PAPSS1: variants seen among roughly 807,000 people sequenced by gnomAD.
The protein encoded by PAPSS1 is 3'-phosphoadenosine 5'-phosphosulfate synthase 1.
In PAPSS1, 50 loss-of-function variants were observed where a neutral mutation model predicts 72.0. That is an observed-to-expected ratio of 0.69 (90% confidence interval 0.55 to 0.88). PAPSS1 has a LOEUF of 0.88. Ranked by LOEUF, PAPSS1 falls within the 40% of genes least tolerant of loss-of-function variation. The pLI, the probability that PAPSS1 is intolerant of heterozygous loss-of-function variation, is 0.00. For missense variants in PAPSS1, 657 were observed against 782.2 expected, an observed-to-expected ratio of 0.84 and a Z score of 1.91; for synonymous variants, 261 against 263.6, an observed-to-expected ratio of 0.99 and a Z score of 0.09.
intron 11 of PAPSS1, among the ~76,000 whole-genome samples, chr4:107,629,730 G>A (rs1960649): frequency 0.24 from 36,589 of 152,106 alleles, 4,431 homozygotes; most frequent in East Asian, 0.37. Flanking sequence ...AGCAAAGGTC[G>A]TGGAAACAGT....
chr4:107,651,353 A>G (rs1726833855), intron 9 of PAPSS1, among the ~76,000 whole-genome samples: 1 of 152,226 alleles, frequency 6.6e-6, no homozygotes, highest in South Asian at 2.1e-4. Flanking sequence ...AGCAGAACTT[A>G]GGTATAAATA....
At chr4:107,645,612 A>T in intron 9 of PAPSS1, among the ~76,000 whole-genome samples, 1 of 152,210 alleles carries the variant, frequency 6.6e-6, no homozygotes, top group East Asian at 1.9e-4. Flanking sequence ...CAAAGGTCTG[A>T]ATTTTGGATT....
intron 11 of PAPSS1, among the ~76,000 whole-genome samples, chr4:107,618,111 A>C (rs992687750): frequency 6.6e-6 from 1 of 152,198 alleles, no homozygotes; most frequent in East Asian, 1.9e-4. Flanking sequence ...AAGCTCTCCA[A>C]AGAAAGAAAA....
At chr4:107,622,763 A>C (rs962648176) in intron 11 of PAPSS1, among the ~76,000 whole-genome samples, 1 of 152,270 alleles carries the variant, frequency 6.6e-6, no homozygotes, top group Non-Finnish European at 1.5e-5. Context: ...CAGAAAATTT[A>C]AATTGTACAC....
chr4:107,694,122 A>G (rs932841517), intron 2 of PAPSS1, 116 bp from the exon 3 acceptor site: 26 of 713,380 alleles, frequency 3.6e-5, no homozygotes, highest in African/African-American at 8.9e-5. Flanking sequence ...GCTGGAGTGC[A>G]GAGGCTGCAT....
intron 3 of PAPSS1, among the ~76,000 whole-genome samples, chr4:107,688,775 T>C (rs1722848627): frequency 6.6e-6 from 1 of 152,200 alleles, no homozygotes; most frequent in Admixed American, 6.5e-5. Flanking sequence ...GCTTGAACCC[T>C]GACCTCTGTC....
At chr4:107,684,422 C>G (rs1339924088) in intron 4 of PAPSS1, among the ~76,000 whole-genome samples, 4 of 152,086 alleles carry the variant, frequency 2.6e-5, no homozygotes, top group Non-Finnish European at 4.4e-5. Flanking sequence ...TGAAATGGCC[C>G]TGCAAAGCTG....
At chr4:107,678,606 A>G (rs928590832) in intron 5 of PAPSS1, among the ~76,000 whole-genome samples, 1 of 152,112 alleles carries the variant, frequency 6.6e-6, no homozygotes, top group Non-Finnish European at 1.5e-5. Context: ...AACAGCTAAA[A>G]TGTCTTTAAA....
chr4:107,687,004 A>C, intron 4 of PAPSS1, 35 bp downstream of exon 4: 1 of 1,582,318 alleles, frequency 6.3e-7, no homozygotes, highest in African/African-American at 1.4e-5. Context: ...TAAAATATCT[A>C]AGCAAAGTGA....
intron 2 of PAPSS1, among the ~76,000 whole-genome samples, chr4:107,698,881 G>T (rs1370054143): frequency 6.6e-6 from 1 of 151,930 alleles, no homozygotes; most frequent in Admixed American, 6.6e-5. Context: ...CTGAACTCAG[G>T]AGAAACTATT....
intron 4 of PAPSS1, among the ~76,000 whole-genome samples, chr4:107,683,470 C>T (rs1234419720): frequency 6.6e-6 from 1 of 152,264 alleles, no homozygotes; most frequent in East Asian, 1.9e-4. Flanking sequence ...ATTGATTTCA[C>T]TAGTCTGGGG....
chr4:107,639,702 G>T (rs1401073821), intron 10 of PAPSS1, among the ~76,000 whole-genome samples: 1 of 152,200 alleles, frequency 6.6e-6, no homozygotes, highest in Non-Finnish European at 1.5e-5. Context: ...GGTGTCTATG[G>T]CTTGTATAAT....
intron 5 of PAPSS1, among the ~76,000 whole-genome samples, chr4:107,665,910 A>G (rs893732647): frequency 2.0e-5 from 3 of 152,194 alleles, no homozygotes; most frequent in African/African-American, 7.2e-5. Flanking sequence ...ATCTTCCTAA[A>G]GAACTCTGAA....
intron 1 of PAPSS1, 122 bp from the exon 2 acceptor site, chr4:107,701,407 G>T: frequency 1.8e-5 from 9 of 505,798 alleles, no homozygotes; most frequent in East Asian, 3.6e-5. Context: ...AGATAAAACA[G>T]TTTTTTTTTT....
chr4:107,632,943 A>G (rs1033053563), intron 10 of PAPSS1, among the ~76,000 whole-genome samples: 16 of 152,188 alleles, frequency 1.1e-4, no homozygotes, highest in Non-Finnish European at 1.8e-4. Context: ...CCTGCATACC[A>G]GGTACTTATC....
intron 5 of PAPSS1, among the ~76,000 whole-genome samples, chr4:107,670,971 G>A (rs1727452352): frequency 6.6e-6 from 1 of 152,194 alleles, no homozygotes; most frequent in African/African-American, 2.4e-5. Context: ...AGACTAAAGG[G>A]CACACAGAAC....
Position 107,614,192 on chromosome 4 carries a change from T to C in PAPSS1, c.*57A>G, listed in dbSNP as rs572304041. The C allele has an allele frequency of 2.1e-5, 32 of 1,534,354 alleles. No homozygotes were observed. The highest frequency in any genetic ancestry group is 2.9e-5 in the Non-Finnish European group (32 of 1,119,482). On this transcript the variant is annotated 3_prime_UTR_variant, in exon 12 of 12. Transcript: ENST00000265174. Reference sequence around the variant, plus strand: ...CACAAAGAAATGCCAACAGAGACTATGTGGTCCCCTCTTGTTACTAGTAAT... The same window carrying C: ...CACAAAGAAATGCCAACAGAGACTACGTGGTCCCCTCTTGTTACTAGTAAT...
chr4:107,707,495 G>A (rs576236648), intron 1 of PAPSS1, among the ~76,000 whole-genome samples: 170 of 152,296 alleles, frequency 1.1e-3, no homozygotes, highest in African/African-American at 4.0e-3. Flanking sequence ...GGAGTCTGGG[G>A]CTACGGGGGC....
chr4:107,671,147 G>C (rs1233336360), intron 5 of PAPSS1, among the ~76,000 whole-genome samples: 1 of 152,064 alleles, frequency 6.6e-6, no homozygotes, highest in Non-Finnish European at 1.5e-5. Flanking sequence ...CAGAATTATA[G>C]TTAAAAACCA....
Sources: gnomAD v4.1 joint callset for allele counts (sites outside exome capture counted in the v4.1 genomes callset) on GRCh38, gnomAD v4.1.1 for gene constraint, MANE v1.5 for transcripts, NCBI Gene and HGNC (gene_info 2026-07-23, HGNC 2026-07-21) for gene names.